UCK2: variants seen among roughly 807,000 people sequenced by gnomAD.
UCK2 encodes the protein uridine-cytidine kinase 2.
A neutral mutation model predicts 30.8 loss-of-function variants in UCK2; 6 were observed. The ratio of observed to expected loss-of-function variants is 0.19; its 90% CI spans 0.11 to 0.38. The LOEUF (loss-of-function observed/expected upper bound fraction) is 0.38, where lower values mean the gene tolerates loss of function less well. UCK2 is among the 10% of genes least tolerant of loss of function. The pLI is 1.00. For synonymous variants in UCK2, 125 were observed against 133.6 expected (o/e 0.94, Z 0.45); for missense variants, 210 against 339.8 (o/e 0.62, Z 3.00).
chr1:165,862,516 C>G (rs1654941888), intron 1 of UCK2, among the ~76,000 whole-genome samples: 1 of 152,210 alleles, frequency 6.6e-6, no homozygotes, highest in Admixed American at 6.5e-5. Context: ...GGAAAACTTA[C>G]AAGAGAGATG....
chr1:165,830,620 G>A (rs1007698788), intron 1 of UCK2, among the ~76,000 whole-genome samples: 9 of 150,030 alleles, frequency 6.0e-5, no homozygotes, highest in Non-Finnish European at 5.9e-5. Context: ...CCACCACGCC[G>A]GCAATCTTTA....
intron 1 of UCK2, among the ~76,000 whole-genome samples, chr1:165,871,723 G>T (rs535387378): frequency 3.3e-5 from 5 of 151,684 alleles, no homozygotes; most frequent in Non-Finnish European, 7.4e-5. Context: ...GATAACAGAG[G>T]GAAGTTAAAA....
chr1:165,891,563 T>A, intron 3 of UCK2: 1 of 454,220 alleles, frequency 2.2e-6, no homozygotes, highest in Non-Finnish European at 4.0e-6. Flanking sequence ...TCCTTAACTC[T>A]GAAGGATGGG....
intron 3 of UCK2, 104 bp from the exon 4 acceptor site, chr1:165,896,086 G>C: frequency 6.8e-7 from 1 of 1,469,044 alleles, no homozygotes; most frequent in Non-Finnish European, 9.3e-7. Context: ...GTCTGTGGGG[G>C]CAAGGAACCC....
At chr1:165,889,078 G>A (rs544713019) in intron 1 of UCK2, among the ~76,000 whole-genome samples, 2 of 152,282 alleles carry the variant, frequency 1.3e-5, no homozygotes, top group South Asian at 4.1e-4. Flanking sequence ...GTAGGTTTGA[G>A]TTCATTTGGA....
intron 1 of UCK2, among the ~76,000 whole-genome samples, chr1:165,869,143 TTGG>T (rs1310430995): frequency 6.6e-6 from 1 of 152,176 alleles, no homozygotes; most frequent in Non-Finnish European, 1.5e-5. Context: ...ATGGGCGTGG[TTGG>T]TGGCACCCCG....
At chr1:165,851,656 A>G (rs1272565779) in intron 1 of UCK2, among the ~76,000 whole-genome samples, 1 of 152,080 alleles carries the variant, frequency 6.6e-6, no homozygotes, top group African/African-American at 2.4e-5. Flanking sequence ...AATGGGATAC[A>G]TGTGCAGAAC....
intron 3 of UCK2, 57 bp downstream of exon 3, chr1:165,891,379 G>T (rs2101881939): frequency 6.7e-7 from 1 of 1,495,052 alleles, no homozygotes; most frequent in Non-Finnish European, 9.3e-7. Context: ...AGCATCCCTG[G>T]TCTGCACTGA....
chr1:165,900,224 C>T (rs1647409420), intron 4 of UCK2: 1 of 152,198 alleles, frequency 6.6e-6, no homozygotes, highest in African/African-American at 2.4e-5. Flanking sequence ...GAGGCACTGC[C>T]CTCCCAACGC....
At chr1:165,828,853 TGGC>T (rs1357520353) in intron 1 of UCK2, among the ~76,000 whole-genome samples, 1 of 152,172 alleles carries the variant, frequency 6.6e-6, no homozygotes, top group Admixed American at 6.5e-5. Context: ...CTTTAAGATG[TGGC>T]TACTTGTTTT....
chr1:165,856,901 G>GTTTTTTTTT (rs60388478), intron 1 of UCK2, among the ~76,000 whole-genome samples: 1 of 134,736 alleles, frequency 7.4e-6, no homozygotes. Flanking sequence ...CGGCCCCAGG[G>GTTTTTTTTT]TTTTTTTTTT....
chr1:165,857,717 G>A (rs757328131), intron 1 of UCK2, among the ~76,000 whole-genome samples: 3 of 152,314 alleles, frequency 2.0e-5, no homozygotes, highest in African/African-American at 4.8e-5. Flanking sequence ...CCCTGTGTGC[G>A]AAGCGAAGCA....
chr1:165,875,084 T>A (rs1278329636), intron 1 of UCK2, among the ~76,000 whole-genome samples: 1 of 151,970 alleles, frequency 6.6e-6, no homozygotes, highest in East Asian at 1.9e-4. Context: ...CTGGAAAGAT[T>A]TGTCTAAATG....
At chr1:165,893,215 G>C (rs904525798) in intron 3 of UCK2, among the ~76,000 whole-genome samples, 1 of 152,186 alleles carries the variant, frequency 6.6e-6, no homozygotes, top group African/African-American at 2.4e-5. Context: ...GTGGAGGAGG[G>C]AAGTTGAAGA....
chr1:165,891,144 G>C, intron 2 of UCK2, 82 bp from the exon 3 acceptor site: 1 of 1,266,796 alleles, frequency 7.9e-7, no homozygotes, highest in Non-Finnish European at 1.1e-6. Context: ...CCATATACAT[G>C]TTTATGAGGA....
At chr1:165,850,471 G>C (rs1235505399) in intron 1 of UCK2, among the ~76,000 whole-genome samples, 1 of 149,788 alleles carries the variant, frequency 6.7e-6, no homozygotes, top group East Asian at 2.0e-4. Context: ...ACAAGGTCTT[G>C]CTCTGTTGCC....
intron 1 of UCK2, among the ~76,000 whole-genome samples, chr1:165,865,596 T>A (rs939578644): frequency 2.6e-5 from 4 of 152,208 alleles, no homozygotes; most frequent in Admixed American, 1.3e-4. Flanking sequence ...TTATATTGCC[T>A]TTTTAAACAT....
intron 3 of UCK2, among the ~76,000 whole-genome samples, chr1:165,892,996 C>T (rs937708886): frequency 3.3e-5 from 5 of 152,098 alleles, no homozygotes; most frequent in African/African-American, 1.2e-4. Context: ...GGGCCAGGAG[C>T]ACAGACATTT....
chr1:165,895,142 G>C (rs1655864526), intron 3 of UCK2, among the ~76,000 whole-genome samples: 1 of 152,168 alleles, frequency 6.6e-6, no homozygotes, highest in Admixed American at 6.5e-5. Context: ...GGTTGAGCTT[G>C]GTAGCTCATG....
Sources: gnomAD v4.1 joint callset for allele counts (sites outside exome capture counted in the v4.1 genomes callset) on GRCh38, gnomAD v4.1.1 for gene constraint, MANE v1.5 for transcripts, NCBI Gene and HGNC (gene_info 2026-07-23, HGNC 2026-07-21) for gene names.